ANK1: variants seen among roughly 807,000 people sequenced by gnomAD.
ANK1 encodes ankyrin 1.
A neutral mutation model predicts 210.4 loss-of-function variants in ANK1; 51 were observed. The observed-to-expected ratio is 0.24, with a 90% CI of 0.19 to 0.31. ANK1 has a LOEUF of 0.31. Among genes scored for constraint, ANK1 ranks in the 10% least tolerant of loss-of-function variants. The pLI, the probability that ANK1 is intolerant of heterozygous loss-of-function variation, is 1.00. For missense variants in ANK1, 2,051 were observed against 2,504.4 expected (o/e 0.82, Z 3.86); for synonymous variants, 967 against 1,025.9 (o/e 0.94, Z 1.10).
chr8:41,676,585 C>T (rs1814226408), intron 37 of ANK1, among the ~76,000 whole-genome samples: 1 of 152,116 alleles, frequency 6.6e-6, no homozygotes, highest in South Asian at 2.1e-4. Context: ...TTTGATGAAG[C>T]CCAACTTGTC....
intron 22 of ANK1, among the ~76,000 whole-genome samples, chr8:41,699,839 C>T (rs1278803331): frequency 6.6e-6 from 1 of 152,218 alleles, no homozygotes; most frequent in African/African-American, 2.4e-5. Context: ...TCAAAACAGC[C>T]CTTTTAGCTG....
At chr8:41,830,074 T>C (rs1337061043) in intron 1 of ANK1, 1 of 151,768 alleles carries the variant, frequency 6.6e-6, no homozygotes, top group Admixed American at 6.6e-5. Context: ...TAAATAATGA[T>C]TTGGTGAATC....
At position 41,658,879 on chromosome 8, in the gene ANK1, C is replaced by T. The variant is rs1012916249; in HGVS notation, c.*36+2551G>A. Among the ~76,000 whole-genome samples, 5 of 151,444 alleles carry T rather than the reference C, an allele frequency of 3.3e-5. No homozygotes were observed. In the East Asian group the frequency reaches 7.8e-4, roughly 24 times the overall value. ...CTGCACTCCAGCCTGGGCGACAGAG[C>T]GAGACTCCCTCTCAAAATATAAATA... On this transcript the variant is annotated intron_variant, in intron 42 of 42. Coordinates refer to ENST00000289734, the MANE Select transcript of ANK1 (RefSeq NM_000037.4).
chr8:41,859,132 C>G (rs879433383), intron 1 of ANK1, among the ~76,000 whole-genome samples: 15 of 152,216 alleles, frequency 9.9e-5, no homozygotes, highest in Non-Finnish European at 1.8e-4. Context: ...GCAGGCCCCC[C>G]ACGGGGTCTC....
intron 1 of ANK1, among the ~76,000 whole-genome samples, chr8:41,859,683 C>T (rs773473240): frequency 1.3e-5 from 2 of 152,192 alleles, no homozygotes; most frequent in Non-Finnish European, 2.9e-5. Context: ...ACTCTGTGCT[C>T]AATAAACACT....
In ANK1 at chr8:41,694,180, G is replaced by A; in HGVS notation, c.3328-78C>T. 2.0e-6 allele frequency: 3 copies of A among 1,469,876 alleles called. No individual in the cohort carries two copies. The South Asian group carries it at 3.6e-5, about 18-fold the overall frequency. 91.1% of individuals were successfully genotyped at this position (1,469,876 alleles called of 1,614,324 possible). A position where few individuals can be genotyped will look rare whatever the true frequency, so the allele number is the denominator to read the frequency against. On this transcript the variant is annotated intron_variant, in intron 28 of 42. Coordinates refer to ENST00000289734, the MANE Select transcript of ANK1 (RefSeq NM_000037.4). This position sits in a 1 kb window ranked among gnomAD's most constrained non-coding sequence, Gnocchi z 5.7. The stretch of plus-strand genomic sequence containing the variant: ...CAGACGGGAGGCAGCTCCATGCCTG[G>A]TGAGAGTGGCCGTCAGTGCACGGGG...
At chr8:41,725,228 C>A (rs1257102636) in intron 6 of ANK1, among the ~76,000 whole-genome samples, 1 of 152,116 alleles carries the variant, frequency 6.6e-6, no homozygotes, top group Admixed American at 6.5e-5. Flanking sequence ...AGGGGAGGGG[C>A]GGGGTGCAGG....
intron 42 of ANK1, chr8:41,661,118 C>T: frequency 2.5e-6 from 1 of 406,236 alleles, no homozygotes; most frequent in Non-Finnish European, 4.7e-6. Flanking sequence ...TAAAGCAATC[C>T]TTTTGCCTCG....
chr8:41,753,037 G>A (rs1351975301), intron 2 of ANK1, among the ~76,000 whole-genome samples: 3 of 151,314 alleles, frequency 2.0e-5, no homozygotes, highest in Admixed American at 1.3e-4. Context: ...ACTCCTCCAG[G>A]TCAGTGGCCA....
intron 21 of ANK1, 76 bp from the exon 22 acceptor site, chr8:41,701,698 G>T: frequency 7.0e-7 from 1 of 1,427,810 alleles, no homozygotes; most frequent in Non-Finnish European, 9.8e-7. Context: ...CGGTTCCCTG[G>T]TCATGCCTGT....
rs184671957 is a variant in ANK1, at chr8:41,736,930, C to T, written c.130-2861G>A. ...ATTGGCAGAGGCCATGCAGCGTCTC[C>T]AGGGCACAGCCACACACAGGACCAA... is the stretch of plus-strand genomic sequence containing the variant. On this transcript the variant is annotated intron_variant, in intron 2 of 42. Coordinates refer to ENST00000289734, the MANE Select transcript of ANK1 (RefSeq NM_000037.4). Among the ~76,000 whole-genome samples the T allele has an allele frequency of 4.9e-4, 74 of 152,298 alleles. No individual in the cohort carries two copies. The Middle Eastern group carries it at 0.01, about 21-fold the overall frequency.
intron 1 of ANK1, among the ~76,000 whole-genome samples, chr8:41,803,019 A>AAGAAAGAAAGAAAG (rs1563810083): frequency 5.0e-5 from 5 of 99,298 alleles, no homozygotes; most frequent in African/African-American, 2.1e-4. Context: ...GAAAGAAAGA[A>AAGAAAGAAAGAAAG]AGAAAGAAAG....
chr8:41,703,418 GTGTGTA>G (rs1823424519), intron 20 of ANK1, among the ~76,000 whole-genome samples: 6 of 46,884 alleles, frequency 1.3e-4, no homozygotes, highest in African/African-American at 4.2e-4. Context: ...GTGTGTGTGT[GTGTGTA>G]TATATATATA....
In ANK1 at chr8:41,723,679, G is replaced by C. The variant is rs761155086; in HGVS notation, c.712-46C>G. 1.4e-5 allele frequency: 22 copies of C among 1,568,154 alleles called. No homozygotes were observed. The South Asian group carries it at 2.5e-4, about 18-fold the overall frequency. ...GGTCAGGGCGCGTCATCCTTCCCTG[G>C]AATGCAGCTGCTGTGCACCCGCTCC... On this transcript the variant is annotated intron_variant, in intron 7 of 42. Coordinates refer to ENST00000289734, the MANE Select transcript of ANK1 (RefSeq NM_000037.4).
At chr8:41,754,354 AATG>A (rs1312591075) in intron 2 of ANK1, among the ~76,000 whole-genome samples, 33 of 152,214 alleles carry the variant, frequency 2.2e-4, no homozygotes, top group Admixed American at 2.0e-3. Flanking sequence ...TGGTAATGAT[AATG>A]ATGATAGAAC....
chr8:41,686,424 G>A (rs118172314), intron 35 of ANK1, 141 bp from the exon 36 acceptor site: 20,563 of 1,029,988 alleles, frequency 0.02, 415 homozygotes, highest in Admixed American at 0.091. Context: ...CCTCCCTGTG[G>A]GTTTGGTCTT....
intron 1 of ANK1, chr8:41,789,060 T>C (rs1399321553): frequency 6.6e-6 from 1 of 152,260 alleles, no homozygotes; most frequent in Admixed American, 6.5e-5. Context: ...CTGCAAAGCT[T>C]CCCTGGCACA....
chr8:41,788,860 C>A (rs76101059), intron 1 of ANK1: 1 of 152,264 alleles, frequency 6.6e-6, no homozygotes, highest in Admixed American at 6.5e-5. Flanking sequence ...CTCAGGCTGA[C>A]GTTCAGAAGG....
chr8:41,833,102 G>A (rs914806861), intron 1 of ANK1, among the ~76,000 whole-genome samples: 1 of 152,206 alleles, frequency 6.6e-6, no homozygotes, highest in African/African-American at 2.4e-5. Context: ...GGCGTGGGAG[G>A]GAAAGGCACA....
Sources: gnomAD v4.1 joint callset for allele counts (sites outside exome capture counted in the v4.1 genomes callset) on GRCh38, gnomAD v4.1.1 for gene constraint, Gnocchi (gnomAD v3.1) non-coding constraint, MANE v1.5 for transcripts, NCBI Gene and HGNC (gene_info 2026-07-23, HGNC 2026-07-21) for gene names.